The following RAD52 variants were observed in gnomAD, a reference collection of about 807,000 sequenced individuals.
RAD52 encodes the protein RAD52 DNA repair protein.
A neutral mutation model predicts 55.5 loss-of-function variants in RAD52; 47 were observed. That is an observed-to-expected ratio of 0.85 (90% CI 0.67 to 1.08). The LOEUF (loss-of-function observed/expected upper bound fraction) is 1.08, where lower values mean the gene tolerates loss of function less well. Ranked by LOEUF, RAD52 falls within the 50% of genes least tolerant of loss-of-function variation. RAD52 has a pLI of 0.00. For synonymous variants in RAD52, 184 were observed against 198.9 expected, an observed-to-expected ratio of 0.92 and a Z score of 0.63; for missense variants, 468 against 522.8, an observed-to-expected ratio of 0.90 and a Z score of 1.02.
At chr12:990,514 A>C (rs1202168061), upstream of RAD52, 1 of 152,234 alleles carries the variant, frequency 6.6e-6, no homozygotes, top group Non-Finnish European at 1.5e-5. Flanking sequence ...GCAGGGTCGG[A>C]ACGTGGACAC....
chr12:977,961 T>G (rs1301173826), intron 1 of RAD52, among the ~76,000 whole-genome samples: 1 of 152,160 alleles, frequency 6.6e-6, no homozygotes, highest in Non-Finnish European at 1.5e-5. Context: ...GACATTGAAA[T>G]GATCAAGTTG....
intron 1 of RAD52, among the ~76,000 whole-genome samples, chr12:937,789 C>A (rs1259719741): frequency 6.6e-6 from 1 of 152,150 alleles, no homozygotes; most frequent in Admixed American, 6.5e-5. Context: ...ACATCTGCAT[C>A]TTGTTACCTG....
At chr12:928,102 G>A (rs546150494) in intron 5 of RAD52, among the ~76,000 whole-genome samples, 5 of 152,326 alleles carry the variant, frequency 3.3e-5, no homozygotes, top group African/African-American at 1.2e-4. Flanking sequence ...TCAAATAAAT[G>A]AGTGACACTA....
intron 1 of RAD52, among the ~76,000 whole-genome samples, chr12:973,619 A>G (rs1958897833): frequency 6.6e-6 from 1 of 151,432 alleles, no homozygotes; most frequent in Non-Finnish European, 1.5e-5. Flanking sequence ...CTGGGACTAC[A>G]GGCATGTGCC....
At chr12:942,662 G>A (rs1264001789) in intron 1 of RAD52, among the ~76,000 whole-genome samples, 2 of 151,710 alleles carry the variant, frequency 1.3e-5, no homozygotes, top group African/African-American at 2.4e-5. Flanking sequence ...CAGGAGAATC[G>A]CTTGAACCTG....
In RAD52 at chr12:927,126, C is replaced by T. The variant is rs1957078714; in HGVS notation, c.467+19G>A. On this transcript the variant is annotated intron_variant, in intron 6 of 11. Coordinates refer to ENST00000358495, the MANE Select transcript of RAD52 (RefSeq NM_134424.4). ...AAGAGCTGAAATGACGCAGGTTAGACTCCCAGCCCCGCGCTCACCTGAGGG... is the reference window on the plus strand; with the variant it reads ...AAGAGCTGAAATGACGCAGGTTAGATTCCCAGCCCCGCGCTCACCTGAGGG... 2 of 1,604,680 alleles carry T rather than the reference C, an allele frequency of 1.2e-6. No individual in the cohort carries two copies. The highest frequency in any genetic ancestry group is 2.2e-5 in the East Asian group (1 of 44,854).
In RAD52 at chr12:911,984, G is replaced by A. The variant is rs182527470; in HGVS notation, c.*1407C>T. On this transcript the variant is annotated 3_prime_UTR_variant, in exon 12 of 12. Transcript: ENST00000358495. ...GGCTGCAATGAGTCAAGATGGCACC[G>A]CTGCACTCCAGCCTGCGCTACAGAG... is the stretch of plus-strand genomic sequence containing the variant. The A allele has an allele frequency of 7.1e-5, 14 of 196,586 alleles. No individual in the cohort carries two copies. Among genetic ancestry groups the A allele is most frequent in the Admixed American group, 4.3e-4 (7 of 16,380 alleles). The allele number at this position is 196,586 out of a possible 1,614,324, so 12.2% of individuals were successfully genotyped here.
At chr12:930,188 T>C in intron 3 of RAD52, 44 bp from the exon 4 acceptor site, 1 of 1,409,482 alleles carries the variant, frequency 7.1e-7, no homozygotes, top group African/African-American at 1.4e-5. Flanking sequence ...GTTAATTCCT[T>C]ACCACACTTA....
At chr12:915,822 A>G (rs1480837530) in intron 9 of RAD52, among the ~76,000 whole-genome samples, 1 of 152,140 alleles carries the variant, frequency 6.6e-6, no homozygotes, top group Non-Finnish European at 1.5e-5. Flanking sequence ...GATTCAAGCA[A>G]TTCTGCCTCA....
At chr12:974,761 T>A (rs1045973124) in intron 1 of RAD52, 1 of 152,262 alleles carries the variant, frequency 6.6e-6, no homozygotes, top group African/African-American at 2.4e-5. Flanking sequence ...ATGTATTTTC[T>A]CATTTAATAC....
At position 916,495 on chromosome 12, in the gene RAD52, G is replaced by A. The variant is rs1041690155; in HGVS notation, c.726-12C>T. On this transcript the variant is annotated splice_polypyrimidine_tract_variant and intron_variant, in intron 8 of 11. Transcript: ENST00000358495. Reference sequence around the variant, plus strand: ...ATGAGCTCAGGCTTCTGCATGAGAGGGCGGCGGCGAGGACGGGCTCCTGAG... The same window carrying A: ...ATGAGCTCAGGCTTCTGCATGAGAGAGCGGCGGCGAGGACGGGCTCCTGAG... 4 of 1,606,328 alleles carry A rather than the reference G, an allele frequency of 2.5e-6. No homozygotes were observed. The highest frequency in any genetic ancestry group is 2.5e-6 in the Non-Finnish European group (3 of 1,178,626).
At chr12:984,470 T>G (rs892772223) in intron 1 of RAD52, among the ~76,000 whole-genome samples, 1 of 152,072 alleles carries the variant, frequency 6.6e-6, no homozygotes, top group African/African-American at 2.4e-5. Context: ...AGTGCTAGGA[T>G]TATATGCATG....
chr12:952,349 C>T (rs530545834), upstream of RAD52, among the ~76,000 whole-genome samples: 1 of 152,296 alleles, frequency 6.6e-6, no homozygotes, highest in Non-Finnish European at 1.5e-5. Flanking sequence ...ATCCTCCTGC[C>T]TCAGCCTCCT....
chr12:940,064 G>A (rs184774809), intron 1 of RAD52, among the ~76,000 whole-genome samples: 1 of 150,620 alleles, frequency 6.6e-6, no homozygotes, highest in Non-Finnish European at 1.5e-5. Context: ...GACAGAATGA[G>A]ACTCTGTCTC....
chr12:973,779 C>CTTTTTTT (rs1401411600), intron 1 of RAD52, among the ~76,000 whole-genome samples: 25 of 136,858 alleles, frequency 1.8e-4, no homozygotes, highest in African/African-American at 5.4e-4. Flanking sequence ...ACGCCCAGTC[C>CTTTTTTT]TTCTTTTTTT....
At chr12:941,490 G>GT (rs1751586752) in intron 1 of RAD52, among the ~76,000 whole-genome samples, 1 of 151,702 alleles carries the variant, frequency 6.6e-6, no homozygotes, top group Non-Finnish European at 1.5e-5. Context: ...GGCAAATTTT[G>GT]TATTTTTCGT....
intron 1 of RAD52, among the ~76,000 whole-genome samples, chr12:973,286 G>A (rs1471410194): frequency 6.6e-6 from 1 of 152,002 alleles, no homozygotes. Flanking sequence ...AGCCAGGATG[G>A]TCTCGATCTC....
At chr12:947,862 G>C (rs1173657038) in intron 1 of RAD52, among the ~76,000 whole-genome samples, 3 of 142,146 alleles carry the variant, frequency 2.1e-5, no homozygotes. Flanking sequence ...CTCCACCCTG[G>C]GCAACAAGAG....
At chr12:925,386 T>G in intron 7 of RAD52, 64 bp downstream of exon 7, 1 of 1,374,236 alleles carries the variant, frequency 7.3e-7, no homozygotes, top group Admixed American at 1.7e-5. Context: ...CTCCAAATAC[T>G]CAACCCATGA....
Sources: allele counts gnomAD v4.1 joint callset (sites outside exome capture counted in the v4.1 genomes callset), GRCh38; gene constraint gnomAD v4.1.1; transcripts MANE v1.5; gene names NCBI Gene and HGNC (gene_info 2026-07-23, HGNC 2026-07-21).